Variants in CCND2 observed in about 807,000 individuals in gnomAD.
CCND2 encodes the protein cyclin D2.
A neutral mutation model predicts 30.2 loss-of-function variants in CCND2; 6 were observed. The observed-to-expected ratio is 0.20, with a 90% CI of 0.11 to 0.39. The LOEUF (loss-of-function observed/expected upper bound fraction) is 0.39. Ranked by LOEUF, CCND2 falls within the 10% of genes least tolerant of loss-of-function variation. The pLI is 1.00. For synonymous variants in CCND2, 150 were observed against 153.1 expected (o/e 0.98, Z 0.15); for missense variants, 235 against 373.4 (o/e 0.63, Z 3.06).
At chr12:4,291,454 AGTT>A (rs2120568672) in intron 4 of CCND2, among the ~76,000 whole-genome samples, 1 of 152,214 alleles carries the variant, frequency 6.6e-6, no homozygotes, top group African/African-American at 2.4e-5. Flanking sequence ...CTGAAGGCCC[AGTT>A]GTTGCTAGAA....
At chr12:4,278,496 C>T (rs933854689) in intron 2 of CCND2, among the ~76,000 whole-genome samples, 2 of 151,982 alleles carry the variant, frequency 1.3e-5, no homozygotes, top group Non-Finnish European at 2.9e-5. Context: ...GGAGTGGAAA[C>T]GAAGTAGAAG....
At chr12:4,289,053 G>A (rs1012983491) in intron 4 of CCND2, 63 bp downstream of exon 4, 74 of 1,455,916 alleles carry the variant, frequency 5.1e-5, no homozygotes, top group Admixed American at 4.0e-4. Context: ...GGAAGGAGAC[G>A]ACGGATTTGA....
chr12:4,290,072 T>C (rs1864077297), intron 4 of CCND2, among the ~76,000 whole-genome samples: 1 of 152,326 alleles, frequency 6.6e-6, no homozygotes, highest in South Asian at 2.1e-4. Context: ...AGATGCCCTC[T>C]GCGGGCTTTT....
intron 2 of CCND2, among the ~76,000 whole-genome samples, chr12:4,278,087 G>C (rs1863898585): frequency 6.6e-6 from 1 of 152,222 alleles, no homozygotes; most frequent in Admixed American, 6.5e-5. Context: ...TGCAAAATGA[G>C]GTTGCTAATG....
At position 4,285,124 on chromosome 12, in the gene CCND2, A is replaced by G. The variant is rs1591646968; in HGVS notation, c.572-3718A>G. 6.6e-6 allele frequency among the ~76,000 whole-genome samples: 1 copy of G among 152,304 alleles called. No homozygotes were observed. Among genetic ancestry groups the G allele is most frequent in the Admixed American group, 6.5e-5 (1 of 15,300 alleles). ...CCATTATAGCACACCATCCTCTACT[A>G]TCTAATGCATTGATGCCCAGCCTTA... On this transcript the variant is annotated intron_variant, in intron 3 of 4. Transcript: ENST00000261254. The surrounding 1 kb of genome is among the most constrained non-coding windows in gnomAD (Gnocchi z 4.1).
chr12:4,274,266 C>T lies in CCND2; in HGVS notation c.195+31C>T. The T allele has an allele frequency of 6.2e-7, 1 of 1,607,018 alleles. No individual in the cohort carries two copies. The highest frequency in any genetic ancestry group is 8.5e-7 in the Non-Finnish European group (1 of 1,175,152). ...TCGGGGGGTGGCGCTCGCCAGGAGC[C>T]AGGACCCCTCCGGATGCTCGGGTCC... On this transcript the variant is annotated intron_variant, in intron 1 of 4. Transcript: ENST00000261254. The surrounding 1 kb of genome is among the most constrained non-coding windows in gnomAD (Gnocchi z 7.7).
At position 4,282,681 on chromosome 12, in the gene CCND2, C is replaced by T. The variant is rs959931276; in HGVS notation, c.571+3762C>T. 3.9e-5 allele frequency among the ~76,000 whole-genome samples: 6 copies of T among 152,218 alleles called. No homozygotes were observed. The highest frequency in any genetic ancestry group is 2.9e-5 in the Non-Finnish European group (2 of 68,032). ...CAGTGTGGTGCTTGCCATCGCTCTT[C>T]CCTCTGGCTGTAAGATGAATGGGTA... On this transcript the variant is annotated intron_variant, in intron 3 of 4. Coordinates refer to ENST00000261254, the MANE Select transcript of CCND2 (RefSeq NM_001759.4). The surrounding 1 kb of genome is among the most constrained non-coding windows in gnomAD (Gnocchi z 4.3).
chr12:4,275,674 G>T (rs1565431373), intron 1 of CCND2, among the ~76,000 whole-genome samples: 1 of 151,462 alleles, frequency 6.6e-6, no homozygotes, highest in East Asian at 2.0e-4. Flanking sequence ...AAGAGTGAGT[G>T]AGTTAGAGTG....
At chr12:4,278,971 T>C in intron 3 of CCND2, 52 bp downstream of exon 3, 1 of 1,564,722 alleles carries the variant, frequency 6.4e-7, no homozygotes, top group Non-Finnish European at 8.7e-7. Context: ...TTTTGGGAGA[T>C]GTCCGGGGAG....
At position 4,299,813 on chromosome 12, in the gene CCND2, T is replaced by C. The variant is rs2120592890; in HGVS notation, c.721-47T>C. 2 of 1,578,080 alleles carry C rather than the reference T, an allele frequency of 1.3e-6. No individual in the cohort carries two copies. The highest frequency in any genetic ancestry group is 2.3e-5 in the East Asian group (1 of 44,372). ...CATGTTTTCTCCGTAGGATGCTCTA[T>C]GTCCTGTTCCTCTTACTAACAACTC... is the stretch of plus-strand genomic sequence containing the variant. On this transcript the variant is annotated intron_variant, in intron 4 of 4. Transcript: ENST00000261254. This position sits in a 1 kb window ranked among gnomAD's most constrained non-coding sequence, Gnocchi z 5.2.
chr12:4,297,152 T>C (rs1864180919), intron 4 of CCND2, among the ~76,000 whole-genome samples: 1 of 124,966 alleles, frequency 8.0e-6, no homozygotes, highest in Non-Finnish European at 1.7e-5. Context: ...ACAGCAGTTC[T>C]GACCGTTGTC....
At position 4,277,469 on chromosome 12, in the gene CCND2, G is replaced by T. The variant is rs1370986594; in HGVS notation, c.411+1249G>T. Among the ~76,000 whole-genome samples the T allele has an allele frequency of 2.0e-5, 3 of 152,222 alleles. No individual in the cohort carries two copies. In the East Asian group the frequency reaches 5.8e-4, roughly 29 times the overall value. On this transcript the variant is annotated intron_variant, in intron 2 of 4. Coordinates refer to ENST00000261254, the MANE Select transcript of CCND2 (RefSeq NM_001759.4). ...CATTGTTAGAATTGGGAACCAATTT[G>T]TTTTTCTCATGAGAGAGCAGGAAAA...
intron 4 of CCND2, among the ~76,000 whole-genome samples, chr12:4,291,602 C>T (rs541021981): frequency 5.9e-5 from 9 of 152,190 alleles, no homozygotes; most frequent in South Asian, 2.1e-4. Flanking sequence ...AGGTGTGCTA[C>T]GTAACGTGTT....
At chr12:4,294,753 A>G (rs1177383534) in intron 4 of CCND2, among the ~76,000 whole-genome samples, 1 of 152,098 alleles carries the variant, frequency 6.6e-6, no homozygotes, top group Non-Finnish European at 1.5e-5. Context: ...TGGCTATTTG[A>G]TTTCCAGAGG....
chr12:4,283,332 C>T lies in CCND2; in HGVS notation c.571+4413C>T, dbSNP rs75400685. On this transcript the variant is annotated intron_variant, in intron 3 of 4. Coordinates refer to ENST00000261254, the MANE Select transcript of CCND2 (RefSeq NM_001759.4). ...AATTCCTTTGATTCCTGAGCCAGAG[C>T]GCCACCTTTGGGGCTCTTCTCCCAC... 3.3e-4 allele frequency among the ~76,000 whole-genome samples: 50 copies of T among 152,288 alleles called. 1 individual carries two copies. The East Asian group carries it at 6.4e-3, about 19-fold the overall frequency.
Position 4,285,382 on chromosome 12 carries a change from G to A in CCND2, c.572-3460G>A. The A allele has an allele frequency of 1.0e-6, 1 of 985,400 alleles. No individual in the cohort carries two copies. Among genetic ancestry groups the A allele is most frequent in the Non-Finnish European group, 1.2e-6 (1 of 829,904 alleles). 61.0% of individuals were successfully genotyped at this position (985,400 alleles called of 1,614,324 possible). On this transcript the variant is annotated intron_variant, in intron 3 of 4. Coordinates refer to ENST00000261254, the MANE Select transcript of CCND2 (RefSeq NM_001759.4). The surrounding 1 kb of genome is among the most constrained non-coding windows in gnomAD (Gnocchi z 4.1). ...AGCGTGCCTTCTGCACCAGCATATT[G>A]CTTGTTGGCATTTTTGATCAAGAGA...
chr12:4,300,969 T>TTC lies in CCND2; in HGVS notation c.*961_*962dup. The TTC allele has an allele frequency of 4.3e-6, 1 of 233,754 alleles. No homozygotes were observed. Among genetic ancestry groups the TTC allele is most frequent in the Non-Finnish European group, 8.5e-6 (1 of 118,042 alleles). The allele number at this position is 233,754 out of a possible 1,614,324, so 14.5% of individuals were successfully genotyped here. On this transcript the variant is annotated 3_prime_UTR_variant, in exon 5 of 5. Coordinates refer to ENST00000261254, the MANE Select transcript of CCND2 (RefSeq NM_001759.4). ...TTTAGCATTGTTATAAACCATTCCATTCGAAAAGCACTTTGAAAAATTGTT... is the reference window on the plus strand; with the variant it reads ...TTTAGCATTGTTATAAACCATTCCATTCTCGAAAAGCACTTTGAAAAATTGTT...
Position 4,276,637 on chromosome 12 carries a change from T to C in CCND2, c.411+417T>C, listed in dbSNP as rs1863878114. On this transcript the variant is annotated intron_variant, in intron 2 of 4. Coordinates refer to ENST00000261254, the MANE Select transcript of CCND2 (RefSeq NM_001759.4). The surrounding 1 kb of genome is among the most constrained non-coding windows in gnomAD (Gnocchi z 4.8). ...TGTGGCTGTGGTGTCTCCTAAAAAC[T>C]TGGAGTTCAAAGGTAATGCCCTCTA... 6.6e-6 allele frequency among the ~76,000 whole-genome samples: 1 copy of C among 152,252 alleles called. No individual in the cohort carries two copies. Among genetic ancestry groups the C allele is most frequent in the South Asian group, 2.1e-4 (1 of 4,836 alleles).
At chr12:4,281,772 G>C (rs1863951219) in intron 3 of CCND2, among the ~76,000 whole-genome samples, 1 of 152,150 alleles carries the variant, frequency 6.6e-6, no homozygotes, top group Non-Finnish European at 1.5e-5. Context: ...GGAGAACATA[G>C]AGGGGCCGCG....
Sources: gnomAD v4.1 joint callset for allele counts (sites outside exome capture counted in the v4.1 genomes callset) on GRCh38, gnomAD v4.1.1 for gene constraint, Gnocchi (gnomAD v3.1) non-coding constraint, MANE v1.5 for transcripts, NCBI Gene and HGNC (gene_info 2026-07-23, HGNC 2026-07-21) for gene names.